Variants in PCDHGA4 observed in about 807,000 individuals in gnomAD.
The protein encoded by PCDHGA4 is protocadherin gamma-A4.
A neutral mutation model predicts 54.6 loss-of-function variants in PCDHGA4; 38 were observed. The observed-to-expected ratio is 0.70, with a 90% CI of 0.54 to 0.91. The LOEUF (loss-of-function observed/expected upper bound fraction) is 0.91, where lower values mean the gene tolerates loss of function less well. Ranked by LOEUF, PCDHGA4 falls within the 40% of genes least tolerant of loss-of-function variation. The pLI is 0.00. For synonymous variants in PCDHGA4, 511 were observed against 512.9 expected (o/e 1.00, Z 0.05); for missense variants, 1,298 against 1,220.9 (o/e 1.06, Z -0.94).
chr5:141,414,517 G>C, intron 1 of PCDHGA4: 1 of 1,613,964 alleles, frequency 6.2e-7, no homozygotes, highest in South Asian at 1.1e-5. Context: ...ACAAGTGGCA[G>C]ATATCAATGA....
At position 141,355,272 on chromosome 5, in the gene PCDHGA4, G is replaced by A. The variant is rs1322283569; in HGVS notation, c.165G>A (p.Val55=). ...TCTGCCTTCTCCTGGGGGTTCTGGT[G>A]GAAATCAGGGCCGAACAGATTCTCT... ...LQICLLLGVL[V]EIRAEQILYS... The change falls in exon 1 of 4, where the codon GTG becomes GTA. Residue 55 remains valine (V), a synonymous_variant. Coordinates refer to ENST00000571252, the MANE Select transcript of PCDHGA4 (RefSeq NM_018917.4). 1 of 1,613,674 alleles carries A rather than the reference G, an allele frequency of 6.2e-7. No individual in the cohort carries two copies. The highest frequency in any genetic ancestry group is 8.5e-7 in the Non-Finnish European group (1 of 1,179,900).
chr5:141,489,275 A>C lies in PCDHGA4; in HGVS notation c.2515-5532A>C. On this transcript the variant is annotated intron_variant, in intron 1 of 3. Transcript: ENST00000571252. This position sits in a 1 kb window ranked among gnomAD's most constrained non-coding sequence, Gnocchi z 4.5. ...AAGACACTCCCACAGCTCGCTGGGA[A>C]ATGGCAAGTGCTGTGCATGTTGTCC... The C allele has an allele frequency of 4.5e-6, 7 of 1,556,298 alleles. No individual in the cohort carries two copies. Among genetic ancestry groups the C allele is most frequent in the Non-Finnish European group, 6.1e-6 (7 of 1,151,600 alleles).
rs950164698 is a variant in PCDHGA4, at chr5:141,423,459, G to A, written c.2514+65838G>A. ...TGCCCACGTCACATTTTGTAGGCGT[G>A]GACGGGGTACAGGCTTTCCTGCAAA... On this transcript the variant is annotated intron_variant, in intron 1 of 3. Coordinates refer to ENST00000571252, the MANE Select transcript of PCDHGA4 (RefSeq NM_018917.4). 4.3e-6 allele frequency: 7 copies of A among 1,614,006 alleles called. No individual in the cohort carries two copies. In the South Asian group the frequency reaches 6.6e-5, roughly 15 times the overall value.
At chr5:141,474,524 C>G (rs1260642402) in intron 1 of PCDHGA4, among the ~76,000 whole-genome samples, 1 of 152,170 alleles carries the variant, frequency 6.6e-6, no homozygotes, top group Non-Finnish European at 1.5e-5. Flanking sequence ...GCTGGTCTGG[C>G]TAATTATCAA....
At chr5:141,382,483 A>G (rs1778240323) in intron 1 of PCDHGA4, among the ~76,000 whole-genome samples, 1 of 152,250 alleles carries the variant, frequency 6.6e-6, no homozygotes, top group Non-Finnish European at 1.5e-5. Context: ...TAAGATTATC[A>G]AACACCGGTC....
chr5:141,400,700 AAAG>A (rs1199384329), intron 1 of PCDHGA4: 5 of 728,844 alleles, frequency 6.9e-6, no homozygotes, highest in Non-Finnish European at 1.1e-5. Flanking sequence ...ATGTCGCATA[AAAG>A]AAGTAGCCTT....
Position 141,366,210 on chromosome 5 carries a change from G to A in PCDHGA4, c.2514+8589G>A, listed in dbSNP as rs374658125. 81 of 1,613,800 alleles carry A rather than the reference G, an allele frequency of 5.0e-5. 1 individual carries two copies. The African/African-American group carries it at 9.2e-4, about 18-fold the overall frequency. On this transcript the variant is annotated intron_variant, in intron 1 of 3. Coordinates refer to ENST00000571252, the MANE Select transcript of PCDHGA4 (RefSeq NM_018917.4). The stretch of plus-strand genomic sequence containing the variant: ...GTTGGGCTGCACACGGGCGAGGTGC[G>A]CACAGCGCGAGCCCTGCTGGACAGA...
chr5:141,489,013 C>T lies in PCDHGA4; in HGVS notation c.2515-5794C>T, dbSNP rs533320646. ...AGGTGGGAGATCTGCTCTTCCAGCC[C>T]GCCTCTCCTCCTCCAGCTCCCCAGC... On this transcript the variant is annotated intron_variant, in intron 1 of 3. Coordinates refer to ENST00000571252, the MANE Select transcript of PCDHGA4 (RefSeq NM_018917.4). The surrounding 1 kb of genome is among the most constrained non-coding windows in gnomAD (Gnocchi z 4.5). 4.6e-5 allele frequency: 20 copies of T among 438,612 alleles called. No homozygotes were observed. Among genetic ancestry groups the T allele is most frequent in the East Asian group, 2.7e-4 (8 of 29,802 alleles). The allele number at this position is 438,612 out of a possible 1,614,324, so 27.2% of individuals were successfully genotyped here.
At chr5:141,361,680 C>A in intron 1 of PCDHGA4, 1 of 1,613,576 alleles carries the variant, frequency 6.2e-7, no homozygotes, top group Non-Finnish European at 8.5e-7. Context: ...GGGTGGTGTT[C>A]GCGCAGCGCG....
chr5:141,419,259 C>G, intron 1 of PCDHGA4: 4 of 1,614,016 alleles, frequency 2.5e-6, no homozygotes, highest in Non-Finnish European at 2.5e-6. Context: ...AACAACCAGC[C>G]GGGTGCCTCC....
At position 141,477,492 on chromosome 5, in the gene PCDHGA4, A is replaced by T; in HGVS notation, c.2515-17315A>T. ...AATGACAACCCTCCACAATCTTCTC[A>T]ATCTTCCTACGACGTTTACATTGAA... On this transcript the variant is annotated intron_variant, in intron 1 of 3. Coordinates refer to ENST00000571252, the MANE Select transcript of PCDHGA4 (RefSeq NM_018917.4). The surrounding 1 kb of genome is among the most constrained non-coding windows in gnomAD (Gnocchi z 4.9). The T allele has an allele frequency of 6.2e-7, 1 of 1,613,980 alleles. No individual in the cohort carries two copies. The highest frequency in any genetic ancestry group is 8.5e-7 in the Non-Finnish European group (1 of 1,179,958).
At chr5:141,501,628 C>T (rs1217355708) in intron 2 of PCDHGA4, among the ~76,000 whole-genome samples, 1 of 152,112 alleles carries the variant, frequency 6.6e-6, no homozygotes, top group Non-Finnish European at 1.5e-5. Flanking sequence ...TATAGTCTCT[C>T]AACCTCTCTG....
At position 141,369,932 on chromosome 5, in the gene PCDHGA4, G is replaced by C. The variant is rs571012686; in HGVS notation, c.2514+12311G>C. On this transcript the variant is annotated intron_variant, in intron 1 of 3. Transcript: ENST00000571252. ...AAAATGGAAACTAAAAACGTGACGG[G>C]ATTGAGCAAGATTATCTCTGCCCTT... Among the ~76,000 whole-genome samples the C allele has an allele frequency of 4.6e-5, 7 of 152,304 alleles. No homozygotes were observed. In the South Asian group the frequency reaches 1.5e-3, roughly 32 times the overall value.
intron 1 of PCDHGA4, among the ~76,000 whole-genome samples, chr5:141,369,378 T>A (rs866878162): frequency 6.6e-6 from 1 of 151,988 alleles, no homozygotes; most frequent in Admixed American, 6.6e-5. Context: ...TTTGTAAAAG[T>A]TTTTCATTTG....
intron 1 of PCDHGA4, chr5:141,404,364 T>A (rs1353392173): frequency 2.5e-6 from 4 of 1,613,962 alleles, no homozygotes; most frequent in Non-Finnish European, 3.4e-6. Context: ...GGTACTTCCA[T>A]CTTCTCCGTG....
intron 1 of PCDHGA4, chr5:141,416,492 A>G (rs183273356): frequency 1.4e-4 from 22 of 152,306 alleles, no homozygotes; most frequent in Admixed American, 1.4e-3. Flanking sequence ...AACAGGAGCA[A>G]GAGATATATG....
At chr5:141,387,156 A>C (rs1173690148) in intron 1 of PCDHGA4, among the ~76,000 whole-genome samples, 1 of 152,232 alleles carries the variant, frequency 6.6e-6, no homozygotes, top group Non-Finnish European at 1.5e-5. Flanking sequence ...GTGTATTTGA[A>C]GATAAGTATA....
intron 3 of PCDHGA4, among the ~76,000 whole-genome samples, chr5:141,506,621 G>A (rs143369587): frequency 1.3e-5 from 2 of 152,178 alleles, no homozygotes; most frequent in African/African-American, 4.8e-5. Flanking sequence ...GTGTTACCAG[G>A]GCCAAATGCA....
chr5:141,430,957 C>T (rs771551541), intron 1 of PCDHGA4: 42 of 1,611,532 alleles, frequency 2.6e-5, no homozygotes, highest in Middle Eastern at 3.3e-4. Context: ...GAGTCCGCAT[C>T]ATCCCCAGAG....
Sources: gnomAD v4.1 joint callset for allele counts (sites outside exome capture counted in the v4.1 genomes callset) on GRCh38, gnomAD v4.1.1 for gene constraint, Gnocchi (gnomAD v3.1) non-coding constraint, MANE v1.5 for transcripts, NCBI Gene and HGNC (gene_info 2026-07-23, HGNC 2026-07-21) for gene names.